The following ORC5 variants were observed in gnomAD, a reference collection of about 807,000 sequenced individuals.
The protein encoded by ORC5 is origin recognition complex subunit 5.
Under a neutral mutation model 58.8 loss-of-function variants are expected in ORC5, and 39 were observed. That is an observed-to-expected ratio of 0.66 (90% CI 0.51 to 0.87). The LOEUF (loss-of-function observed/expected upper bound fraction) is 0.87. ORC5 is among the 40% of genes least tolerant of loss of function. The pLI, the probability that ORC5 is intolerant of heterozygous loss-of-function variation, is 0.00. For missense variants in ORC5, 493 were observed against 506.3 expected, an observed-to-expected ratio of 0.97 and a Z score of 0.25; for synonymous variants, 218 against 177.6, an observed-to-expected ratio of 1.23 and a Z score of -1.81.
At chr7:104,207,078 T>C (rs1329469002) in intron 1 of ORC5, among the ~76,000 whole-genome samples, 4 of 152,242 alleles carry the variant, frequency 2.6e-5, no homozygotes, top group African/African-American at 7.2e-5. Flanking sequence ...GGTATGAGTA[T>C]GACCCTGAAT....
At chr7:104,127,938 A>G (rs1017430856) in intron 13 of ORC5, among the ~76,000 whole-genome samples, 1 of 152,212 alleles carries the variant, frequency 6.6e-6, no homozygotes, top group Middle Eastern at 3.2e-3. Flanking sequence ...GAAGAATACT[A>G]AGCCTTTCCA....
At chr7:104,154,343 T>C (rs1798890712) in intron 12 of ORC5, among the ~76,000 whole-genome samples, 1 of 152,076 alleles carries the variant, frequency 6.6e-6, no homozygotes, top group South Asian at 2.1e-4. Flanking sequence ...TATGACTCAG[T>C]AGAAAACACT....
chr7:104,183,424 T>G (rs1343939571), intron 8 of ORC5, among the ~76,000 whole-genome samples: 1 of 152,112 alleles, frequency 6.6e-6, no homozygotes, highest in Non-Finnish European at 1.5e-5. Flanking sequence ...CAGCAATGAT[T>G]TTGGAGAAAA....
chr7:104,198,783 T>C (rs542735789), intron 3 of ORC5, among the ~76,000 whole-genome samples: 3 of 152,244 alleles, frequency 2.0e-5, no homozygotes, highest in Admixed American at 2.0e-4. Flanking sequence ...ACGGGGAAAA[T>C]GTCTCCAAGG....
intron 12 of ORC5, among the ~76,000 whole-genome samples, chr7:104,149,098 A>G (rs1298202410): frequency 6.6e-6 from 1 of 152,076 alleles, no homozygotes; most frequent in Non-Finnish European, 1.5e-5. Context: ...TCCAGAAATT[A>G]TTAGATGATA....
intron 13 of ORC5, among the ~76,000 whole-genome samples, chr7:104,132,050 G>T (rs941232272): frequency 6.6e-6 from 1 of 152,148 alleles, no homozygotes; most frequent in African/African-American, 2.4e-5. Flanking sequence ...TTAAATAAAC[G>T]AATGAAAAAC....
intron 1 of ORC5, among the ~76,000 whole-genome samples, chr7:104,205,764 C>CCCAA (rs1292249113): frequency 6.6e-6 from 1 of 152,212 alleles, no homozygotes; most frequent in Admixed American, 6.5e-5. Context: ...AGCCTGTCAT[C>CCCAA]CCAACACTTT....
chr7:104,195,962 T>G (rs1313266218), intron 4 of ORC5, among the ~76,000 whole-genome samples: 1 of 152,010 alleles, frequency 6.6e-6, no homozygotes, highest in African/African-American at 2.4e-5. Context: ...TTCCCTTTAC[T>G]TAGATAAATA....
rs531346785 is a variant in ORC5, at chr7:104,164,814, T to C, written c.1038+421A>G. 1.1e-4 allele frequency among the ~76,000 whole-genome samples: 17 copies of C among 152,344 alleles called. No homozygotes were observed. In the South Asian group the frequency reaches 3.5e-3, roughly 32 times the overall value. The stretch of plus-strand genomic sequence containing the variant: ...GCTTAGGTTTTAGCGTTTTCTCTAA[T>C]CTGCTTGGTCACCTCAATATCTACC... On this transcript the variant is annotated intron_variant, in intron 11 of 13. Transcript: ENST00000297431.
chr7:104,205,192 C>G (rs1055643569), intron 1 of ORC5, among the ~76,000 whole-genome samples: 1 of 142,930 alleles, frequency 7.0e-6, no homozygotes, highest in African/African-American at 2.6e-5. Flanking sequence ...CGGGTTTAAG[C>G]GATTCTCCTG....
At chr7:104,197,568 C>T (rs1799829532) in intron 4 of ORC5, among the ~76,000 whole-genome samples, 157 bp downstream of exon 4, 1 of 151,980 alleles carries the variant, frequency 6.6e-6, no homozygotes, top group Admixed American at 6.6e-5. Context: ...ACTGATTTTA[C>T]TATGAAAAAA....
intron 4 of ORC5, among the ~76,000 whole-genome samples, chr7:104,197,193 AG>A (rs1160658768): frequency 3.3e-5 from 5 of 152,216 alleles, no homozygotes; most frequent in Non-Finnish European, 7.3e-5. Context: ...GCTGAAGGTA[AG>A]GAAGAACCTG....
chr7:104,150,863 A>G (rs954606869), intron 12 of ORC5, among the ~76,000 whole-genome samples: 68 of 152,010 alleles, frequency 4.5e-4, no homozygotes, highest in Non-Finnish European at 7.4e-4. Flanking sequence ...AATGACATAA[A>G]ATGAGTGCTA....
chr7:104,188,778 T>C (rs564154268), intron 5 of ORC5, among the ~76,000 whole-genome samples: 1 of 152,246 alleles, frequency 6.6e-6, no homozygotes, highest in Admixed American at 6.5e-5. Flanking sequence ...AGGAGGGGCC[T>C]CGTGGGAGGT....
intron 6 of ORC5, among the ~76,000 whole-genome samples, chr7:104,186,482 A>G (rs1178504198): frequency 6.6e-6 from 1 of 152,200 alleles, no homozygotes; most frequent in Admixed American, 6.5e-5. Context: ...TTAAAAAGGC[A>G]GTATCATAAG....
At chr7:104,205,382 C>T (rs897192890) in intron 1 of ORC5, among the ~76,000 whole-genome samples, 13 of 152,040 alleles carry the variant, frequency 8.6e-5, no homozygotes, top group African/African-American at 2.9e-4. Context: ...GCCACTGTGC[C>T]TGGCCTATTT....
At position 104,196,279 on chromosome 7, in the gene ORC5, T is replaced by C. The variant is rs115093581; in HGVS notation, c.442-1025A>G. Among the ~76,000 whole-genome samples, 1,455 of 152,280 alleles carry C rather than the reference T, an allele frequency of 9.6e-3. 25 individuals are homozygous for C. Among genetic ancestry groups the C allele is most frequent in the African/African-American group, 0.033 (1,390 of 41,538 alleles). ...ACTCTGGATACCAGATGGTGAGTTC[T>C]AGAGCAAAGCAACAGGAAATAGTGG... On this transcript the variant is annotated intron_variant, in intron 4 of 13. Coordinates refer to ENST00000297431, the MANE Select transcript of ORC5 (RefSeq NM_002553.4).
At chr7:104,157,491 G>C (rs1370641534) in intron 12 of ORC5, among the ~76,000 whole-genome samples, 1 of 151,980 alleles carries the variant, frequency 6.6e-6, no homozygotes, top group Non-Finnish European at 1.5e-5. Flanking sequence ...AACTACAATT[G>C]TCAAGTTTGA....
intron 8 of ORC5, among the ~76,000 whole-genome samples, chr7:104,173,970 A>T (rs910815848): frequency 1.1e-4 from 16 of 146,440 alleles, no homozygotes; most frequent in African/African-American, 4.0e-4. Context: ...TCAGCCTCCC[A>T]AGTAGCTGGG....
Sources: allele counts gnomAD v4.1 joint callset (sites outside exome capture counted in the v4.1 genomes callset), GRCh38; gene constraint gnomAD v4.1.1; transcripts MANE v1.5; gene names NCBI Gene and HGNC (gene_info 2026-07-23, HGNC 2026-07-21).